The following THSD7B variants were observed in gnomAD, a reference collection of about 807,000 sequenced individuals.
The protein encoded by THSD7B is thrombospondin type 1 domain containing 7B, also known as thrombospondin type-1 domain-containing protein 7B.
In THSD7B, 138 loss-of-function variants were observed where a neutral mutation model predicts 213.6. That is an observed-to-expected ratio of 0.65 (90% CI 0.56 to 0.74). The LOEUF (loss-of-function observed/expected upper bound fraction) is 0.74. Among genes scored for constraint, THSD7B ranks in the 30% least tolerant of loss-of-function variants. THSD7B has a pLI of 0.00. For missense variants in THSD7B, 1,931 were observed against 1,991.5 expected, an observed-to-expected ratio of 0.97 and a Z score of 0.58; for synonymous variants, 742 against 687.0, an observed-to-expected ratio of 1.08 and a Z score of -1.25.
chr2:137,322,385 C>T (rs1460773518), intron 12 of THSD7B, among the ~76,000 whole-genome samples: 1 of 152,140 alleles, frequency 6.6e-6, no homozygotes, highest in Non-Finnish European at 1.5e-5. Flanking sequence ...TAGCATGGAG[C>T]CTGACATATA....
intron 20 of THSD7B, among the ~76,000 whole-genome samples, chr2:137,637,087 A>T (rs945401080): frequency 6.6e-6 from 1 of 152,186 alleles, no homozygotes; most frequent in African/African-American, 2.4e-5. Flanking sequence ...CTCTCCCATC[A>T]AAACTCATCA....
intron 15 of THSD7B, among the ~76,000 whole-genome samples, chr2:137,556,609 C>T (rs900337273): frequency 1.1e-4 from 17 of 152,262 alleles, no homozygotes; most frequent in African/African-American, 2.4e-4. Flanking sequence ...TAAAGACCAT[C>T]GATGCTAGGA....
At chr2:137,155,407 C>A (rs1457718522) in intron 5 of THSD7B, among the ~76,000 whole-genome samples, 3 of 152,050 alleles carry the variant, frequency 2.0e-5, no homozygotes, top group Non-Finnish European at 4.4e-5. Context: ...GAAGACAGAG[C>A]TAATTAATAG....
chr2:137,372,931 A>C (rs940348990), intron 12 of THSD7B, among the ~76,000 whole-genome samples: 4 of 139,032 alleles, frequency 2.9e-5, no homozygotes, highest in African/African-American at 1.1e-4. Context: ...CCCACCTATG[A>C]GTGTGAATAT....
At chr2:137,046,481 G>C (rs979493616) in intron 2 of THSD7B, among the ~76,000 whole-genome samples, 8 of 152,128 alleles carry the variant, frequency 5.3e-5, no homozygotes, top group African/African-American at 1.9e-4. Flanking sequence ...TGTCATCCCA[G>C]CACTTTGGGA....
At chr2:137,138,949 T>C (rs1007102969) in intron 5 of THSD7B, among the ~76,000 whole-genome samples, 8 of 152,176 alleles carry the variant, frequency 5.3e-5, no homozygotes, top group African/African-American at 1.9e-4. Flanking sequence ...TTTCATTCTA[T>C]AAGGTGGTAT....
intron 14 of THSD7B, among the ~76,000 whole-genome samples, chr2:137,426,107 A>C (rs6724845): frequency 0.57 from 87,204 of 151,984 alleles, 27,786 homozygotes; most frequent in East Asian, 0.77. Flanking sequence ...TAAAATACTT[A>C]GGAATAAAAT....
At chr2:136,944,893 A>G (rs139632548) in intron 2 of THSD7B, among the ~76,000 whole-genome samples, 3,393 of 152,176 alleles carry the variant, frequency 0.022, 61 homozygotes, top group Middle Eastern at 0.041. Context: ...TTCACATTTA[A>G]GGTTAATATT....
chr2:137,438,396 T>C (rs2105049993), intron 14 of THSD7B, among the ~76,000 whole-genome samples: 1 of 152,276 alleles, frequency 6.6e-6, no homozygotes, highest in South Asian at 2.1e-4. Flanking sequence ...CAATGGGTAC[T>C]GTTATTAACC....
intron 17 of THSD7B, among the ~76,000 whole-genome samples, chr2:137,588,803 G>A (rs759779591): frequency 2.3e-4 from 32 of 138,648 alleles, no homozygotes; most frequent in Non-Finnish European, 4.8e-4. Context: ...TTTATTTTTC[G>A]AGATGGAGTT....
chr2:137,468,436 C>T (rs1431912147), intron 15 of THSD7B, among the ~76,000 whole-genome samples: 1 of 151,796 alleles, frequency 6.6e-6, no homozygotes, highest in East Asian at 2.0e-4. Context: ...TACTGTTTTG[C>T]ATGTGTCTCT....
chr2:136,824,724 G>A (rs1369812319), intron 1 of THSD7B, among the ~76,000 whole-genome samples: 2 of 152,158 alleles, frequency 1.3e-5, no homozygotes, highest in African/African-American at 4.8e-5. Flanking sequence ...TGGATAAGGT[G>A]ATGAGATCAG....
chr2:137,127,430 G>T (rs1300083411), intron 5 of THSD7B, among the ~76,000 whole-genome samples: 1 of 152,022 alleles, frequency 6.6e-6, no homozygotes, highest in Non-Finnish European at 1.5e-5. Flanking sequence ...CTTTCATTTT[G>T]GAAATTGTCA....
chr2:137,022,611 A>G (rs899812971), intron 2 of THSD7B, among the ~76,000 whole-genome samples: 5 of 151,776 alleles, frequency 3.3e-5, no homozygotes, highest in Non-Finnish European at 7.4e-5. Context: ...ATAAAATATA[A>G]CAATTAATTT....
chr2:136,914,583 T>C (rs552164082), intron 2 of THSD7B, among the ~76,000 whole-genome samples: 35 of 152,296 alleles, frequency 2.3e-4, no homozygotes, highest in African/African-American at 8.4e-4. Context: ...AGCCCGTCTT[T>C]CCCCTGCTGT....
intron 3 of THSD7B, among the ~76,000 whole-genome samples, chr2:137,094,390 G>C (rs1307589511): frequency 6.6e-6 from 1 of 152,150 alleles, no homozygotes; most frequent in Non-Finnish European, 1.5e-5. Context: ...GTCCAACATG[G>C]TAAAACCCTG....
At chr2:137,312,371 A>C (rs1366389490) in intron 12 of THSD7B, among the ~76,000 whole-genome samples, 1 of 149,276 alleles carries the variant, frequency 6.7e-6, no homozygotes. Context: ...ATCATTTTTT[A>C]TTGTGTCTAT....
At chr2:137,378,766 C>G (rs1685715308) in intron 12 of THSD7B, among the ~76,000 whole-genome samples, 2 of 152,140 alleles carry the variant, frequency 1.3e-5, no homozygotes, top group Non-Finnish European at 2.9e-5. Flanking sequence ...TAAGCCAGAG[C>G]TGGTCCTAAT....
At chr2:136,904,528 A>C (rs1267034779) in intron 2 of THSD7B, among the ~76,000 whole-genome samples, 1 of 152,122 alleles carries the variant, frequency 6.6e-6, no homozygotes, top group Non-Finnish European at 1.5e-5. Flanking sequence ...CTAAGCGTCT[A>C]TGAAAATAAC....
Sources: gnomAD v4.1 joint callset for allele counts (sites outside exome capture counted in the v4.1 genomes callset) on GRCh38, gnomAD v4.1.1 for gene constraint, MANE v1.5 for transcripts, NCBI Gene and HGNC (gene_info 2026-07-23, HGNC 2026-07-21) for gene names.